Variants in WDPCP observed in about 807,000 individuals in gnomAD.
WDPCP encodes WD repeat-containing and planar cell polarity effector protein fritz homolog.
In WDPCP, 71 loss-of-function variants were observed where a neutral mutation model predicts 93.1. The observed-to-expected ratio is 0.76, with a 90% CI of 0.63 to 0.93. The LOEUF (loss-of-function observed/expected upper bound fraction) is 0.93, where lower values mean the gene tolerates loss of function less well. Ranked by LOEUF, WDPCP falls within the 40% of genes least tolerant of loss-of-function variation. The pLI is 0.00. For synonymous variants in WDPCP, 315 were observed against 315.0 expected (o/e 1.00, Z 0.00); for missense variants, 844 against 887.4 (o/e 0.95, Z 0.62).
rs75116096 is a variant in WDPCP, at chr2:63,313,099, C to T, written c.1812+149G>A. ...ATTAGATGGTTATTGACCAGTTTCA[C>T]GAAAGCAAACCTGCAAGTCAAGATG... On this transcript the variant is annotated intron_variant, in intron 13 of 17. Coordinates refer to ENST00000272321, the MANE Select transcript of WDPCP (RefSeq NM_015910.7). The T allele has an allele frequency of 9.1e-4, 655 of 719,566 alleles. 2 individuals are homozygous for T. In the African/African-American group the frequency reaches 9.8e-3, roughly 11 times the overall value. The allele number at this position is 719,566 out of a possible 1,614,324, so 44.6% of individuals were successfully genotyped here.
intron 13 of WDPCP, among the ~76,000 whole-genome samples, chr2:63,298,228 G>A (rs1249932612): frequency 6.6e-6 from 1 of 152,182 alleles, no homozygotes; most frequent in Non-Finnish European, 1.5e-5. Context: ...CCCATGTGGA[G>A]AGAGTTATAC....
Position 63,492,846 on chromosome 2 carries a change from G to A in WDPCP, c.160+10C>T. 6.2e-7 allele frequency: 1 copy of A among 1,612,198 alleles called. No homozygotes were observed. The highest frequency in any genetic ancestry group is 8.5e-7 in the Non-Finnish European group (1 of 1,178,632). On this transcript the variant is annotated intron_variant, in intron 2 of 17. Transcript: ENST00000272321. ...TGAAAAATATTGAAATTAATCCAGA[G>A]CTCATTTACCCGCAATGTGTAAGGT...
intron 14 of WDPCP, among the ~76,000 whole-genome samples, 194 bp downstream of exon 14, chr2:63,259,113 T>A (rs1240525410): frequency 6.6e-6 from 1 of 152,194 alleles, no homozygotes; most frequent in African/African-American, 2.4e-5. Flanking sequence ...GATTAGAAAT[T>A]TTCACATAAA....
intron 1 of WDPCP, among the ~76,000 whole-genome samples, chr2:63,558,847 A>AC (rs1201867720): frequency 2.0e-5 from 3 of 152,204 alleles, no homozygotes; most frequent in Non-Finnish European, 2.9e-5. Flanking sequence ...GAACTCTACC[A>AC]CAGGTACAAA....
chr2:63,167,474 A>C (rs899274286), intron 15 of WDPCP, among the ~76,000 whole-genome samples: 2 of 151,862 alleles, frequency 1.3e-5, no homozygotes, highest in African/African-American at 4.8e-5. Flanking sequence ...GTAGTGTTTT[A>C]TTATAATTAC....
At chr2:63,194,465 C>T (rs540293990) in intron 14 of WDPCP, among the ~76,000 whole-genome samples, 1 of 152,166 alleles carries the variant, frequency 6.6e-6, no homozygotes, top group East Asian at 1.9e-4. Flanking sequence ...GTAAGAAATA[C>T]CCACATATAT....
At chr2:63,166,682 C>T (rs1263845243) in intron 15 of WDPCP, among the ~76,000 whole-genome samples, 1 of 152,170 alleles carries the variant, frequency 6.6e-6, no homozygotes, top group African/African-American at 2.4e-5. Context: ...CATTAGCCAC[C>T]GTGCCTGGCT....
chr2:63,830,686 T>C (rs760737967), upstream of WDPCP, among the ~76,000 whole-genome samples: 1 of 152,172 alleles, frequency 6.6e-6, no homozygotes, highest in Non-Finnish European at 1.5e-5. Context: ...TGGCCATATC[T>C]GATACTCTCC....
At chr2:63,520,196 T>A (rs1206794046) in intron 1 of WDPCP, among the ~76,000 whole-genome samples, 1 of 151,626 alleles carries the variant, frequency 6.6e-6, no homozygotes, top group Non-Finnish European at 1.5e-5. Context: ...AAAAAAGCAA[T>A]AAAAAAGAAT....
At chr2:63,207,702 G>A (rs1676449180) in intron 14 of WDPCP, among the ~76,000 whole-genome samples, 2 of 152,046 alleles carry the variant, frequency 1.3e-5, no homozygotes, top group African/African-American at 4.8e-5. Context: ...AATATGTCTT[G>A]ATGTCGACCA....
chr2:63,260,833 C>G (rs2104782108), intron 13 of WDPCP, among the ~76,000 whole-genome samples: 1 of 152,322 alleles, frequency 6.6e-6, no homozygotes, highest in South Asian at 2.1e-4. Flanking sequence ...CAGGCGTGAG[C>G]CACCAGCACC....
intron 6 of WDPCP, among the ~76,000 whole-genome samples, chr2:63,480,557 A>G (rs773169753): frequency 3.9e-5 from 6 of 152,236 alleles, no homozygotes; most frequent in Non-Finnish European, 7.3e-5. Flanking sequence ...AATGGAACAG[A>G]ATAGAGAACC....
chr2:63,361,569 A>G lies in WDPCP; in HGVS notation c.1748+16817T>C, dbSNP rs550991217. On this transcript the variant is annotated intron_variant, in intron 12 of 17. Coordinates refer to ENST00000272321, the MANE Select transcript of WDPCP (RefSeq NM_015910.7). ...CAAGAATAACATAGGGAACATGGAA[A>G]TAAAGCCAGTTAAGTCTAGTGCCAT... is the stretch of plus-strand genomic sequence containing the variant. Among the ~76,000 whole-genome samples the G allele has an allele frequency of 2.0e-5, 3 of 152,368 alleles. No individual in the cohort carries two copies. The South Asian group carries it at 6.2e-4, about 32-fold the overall frequency.
intron 15 of WDPCP, among the ~76,000 whole-genome samples, chr2:63,171,371 A>C (rs1300122495): frequency 6.6e-6 from 1 of 152,192 alleles, no homozygotes; most frequent in Non-Finnish European, 1.5e-5. Flanking sequence ...ACAACTAAAG[A>C]ATGGACAACA....
At chr2:63,156,745 A>G (rs1403121201) in intron 15 of WDPCP, among the ~76,000 whole-genome samples, 2 of 152,206 alleles carry the variant, frequency 1.3e-5, no homozygotes, top group Non-Finnish European at 2.9e-5. Context: ...CTCAAAAAAA[A>G]GAAACAAAAG....
intron 3 of WDPCP, among the ~76,000 whole-genome samples, chr2:63,608,430 C>T (rs1215173939): frequency 1.3e-5 from 2 of 152,062 alleles, no homozygotes; most frequent in Non-Finnish European, 2.9e-5. Context: ...CATTTTCTAT[C>T]TTTTCATCCT....
chr2:63,272,356 C>T (rs1270728234), intron 13 of WDPCP, among the ~76,000 whole-genome samples: 1 of 152,056 alleles, frequency 6.6e-6, no homozygotes, highest in Non-Finnish European at 1.5e-5. Context: ...AATGTCTTAC[C>T]CTATGAAAGC....
At chr2:63,754,561 G>T (rs1055824694) in intron 2 of WDPCP, among the ~76,000 whole-genome samples, 1 of 152,180 alleles carries the variant, frequency 6.6e-6, no homozygotes, top group African/African-American at 2.4e-5. Context: ...TGGTGTATTT[G>T]TTAGGGCTGG....
At chr2:63,737,313 T>C (rs1245526782) in intron 2 of WDPCP, among the ~76,000 whole-genome samples, 1 of 152,188 alleles carries the variant, frequency 6.6e-6, no homozygotes, top group Non-Finnish European at 1.5e-5. Context: ...CTGGCACCAA[T>C]ATTCATGACA....
Sources: gnomAD v4.1 joint callset for allele counts (sites outside exome capture counted in the v4.1 genomes callset) on GRCh38, gnomAD v4.1.1 for gene constraint, MANE v1.5 for transcripts, NCBI Gene and HGNC (gene_info 2026-07-23, HGNC 2026-07-21) for gene names.